NEGR1: variants seen among roughly 807,000 people sequenced by gnomAD.
NEGR1 encodes neuronal growth regulator 1, also known as IgLON family member 4.
Under a neutral mutation model 40.9 loss-of-function variants are expected in NEGR1, and 10 were observed. The ratio of observed to expected loss-of-function variants is 0.24; its 90% CI spans 0.15 to 0.42. The LOEUF is 0.42. Among genes scored for constraint, NEGR1 ranks in the 10% least tolerant of loss-of-function variants. The probability of loss-of-function intolerance (pLI) is 1.00; values close to 1 mark genes in which losing one functional copy is unlikely to be tolerated. For missense variants in NEGR1, 352 were observed against 438.9 expected (o/e 0.80, Z 1.77); for synonymous variants, 185 against 166.8 (o/e 1.11, Z -0.84).
chr1:71,746,475 A>G (rs1243731736), intron 3 of NEGR1, among the ~76,000 whole-genome samples: 1 of 152,094 alleles, frequency 6.6e-6, no homozygotes, highest in African/African-American at 2.4e-5. Context: ...ATCCTTAAAA[A>G]TCACATTTTT....
chr1:71,738,493 G>C, intron 3 of NEGR1: 1 of 154,944 alleles, frequency 6.5e-6, no homozygotes, highest in African/African-American at 2.4e-5. Context: ...AGGGCATCTG[G>C]GGCCAGAGCA....
intron 2 of NEGR1, among the ~76,000 whole-genome samples, chr1:71,933,009 G>A (rs898103741): frequency 1.3e-5 from 2 of 151,980 alleles, no homozygotes; most frequent in African/African-American, 4.8e-5. Flanking sequence ...AAGTAATTAT[G>A]TTCATAAATA....
At chr1:71,886,884 T>C (rs1660738711) in intron 2 of NEGR1, among the ~76,000 whole-genome samples, 1 of 152,146 alleles carries the variant, frequency 6.6e-6, no homozygotes, top group Non-Finnish European at 1.5e-5. Flanking sequence ...TGACTAGTGC[T>C]AAGAACAAGA....
intron 6 of NEGR1, among the ~76,000 whole-genome samples, chr1:71,552,793 C>G (rs1445625712): frequency 6.6e-6 from 1 of 151,338 alleles, no homozygotes; most frequent in East Asian, 2.0e-4. Flanking sequence ...CTGCCCAACT[C>G]TGTTTTTTCT....
chr1:72,097,428 G>A (rs1460015798), intron 1 of NEGR1, among the ~76,000 whole-genome samples: 2 of 152,038 alleles, frequency 1.3e-5, no homozygotes, highest in African/African-American at 4.8e-5. Flanking sequence ...GGCTTTCCAC[G>A]TCCTGCCTCA....
chr1:71,452,256 G>C (rs1035788627), intron 6 of NEGR1, among the ~76,000 whole-genome samples: 8 of 152,096 alleles, frequency 5.3e-5, no homozygotes, highest in African/African-American at 1.9e-4. Context: ...AGATGCAAAG[G>C]TCATCCTCAA....
intron 1 of NEGR1, among the ~76,000 whole-genome samples, chr1:72,181,480 C>A (rs1652368607): frequency 6.6e-6 from 1 of 151,930 alleles, no homozygotes. Flanking sequence ...ACTGGTATAG[C>A]CATTATGAAA....
intron 6 of NEGR1, among the ~76,000 whole-genome samples, chr1:71,418,157 C>G (rs1374090789): frequency 1.3e-5 from 2 of 149,754 alleles, no homozygotes; most frequent in African/African-American, 4.9e-5. Flanking sequence ...AGACCTTTCT[C>G]CTAGCAAACT....
chr1:72,127,463 C>CA (rs56301492), intron 1 of NEGR1, among the ~76,000 whole-genome samples: 3,321 of 39,148 alleles, frequency 0.085, 810 homozygotes, highest in African/African-American at 0.22. Context: ...GGCTCTGTCT[C>CA]AAAAAAAAAA....
intron 4 of NEGR1, among the ~76,000 whole-genome samples, chr1:71,654,851 T>A (rs987947334): frequency 2.6e-5 from 4 of 152,192 alleles, no homozygotes; most frequent in South Asian, 2.1e-4. Flanking sequence ...AATATACAGC[T>A]TTAATCATGG....
At chr1:72,020,732 T>G (rs1198544429) in intron 1 of NEGR1, among the ~76,000 whole-genome samples, 1 of 152,168 alleles carries the variant, frequency 6.6e-6, no homozygotes, top group South Asian at 2.1e-4. Context: ...GCACTAGATA[T>G]TCATATAAGA....
At chr1:71,502,805 C>T (rs1035790429) in intron 6 of NEGR1, among the ~76,000 whole-genome samples, 2 of 152,106 alleles carry the variant, frequency 1.3e-5, no homozygotes, top group Non-Finnish European at 2.9e-5. Context: ...GTTCATAGGT[C>T]GAGTGTGTGC....
intron 1 of NEGR1, among the ~76,000 whole-genome samples, chr1:72,012,706 C>T (rs1475623124): frequency 4.0e-5 from 6 of 151,612 alleles, no homozygotes; most frequent in Non-Finnish European, 7.4e-5. Flanking sequence ...AAAGACTGTG[C>T]GTCCCCAATC....
At chr1:71,954,057 G>T (rs1255611517) in intron 1 of NEGR1, among the ~76,000 whole-genome samples, 1 of 151,928 alleles carries the variant, frequency 6.6e-6, no homozygotes, top group Non-Finnish European at 1.5e-5. Flanking sequence ...CACTGCATTA[G>T]AATTTGTAAA....
intron 1 of NEGR1, among the ~76,000 whole-genome samples, chr1:71,964,761 C>A (rs75714221): frequency 5.2e-4 from 79 of 152,086 alleles, no homozygotes; most frequent in African/African-American, 1.8e-3. Flanking sequence ...CACTGGAACA[C>A]TATTTTATAC....
chr1:71,520,954 A>G (rs1258773703), intron 6 of NEGR1, among the ~76,000 whole-genome samples: 1 of 152,066 alleles, frequency 6.6e-6, no homozygotes, highest in East Asian at 1.9e-4. Flanking sequence ...AGATTAACCC[A>G]CTGAAAATTT....
chr1:72,240,563 A>G (rs1654699024), intron 1 of NEGR1, among the ~76,000 whole-genome samples: 1 of 151,876 alleles, frequency 6.6e-6, no homozygotes. Context: ...GACCCTAAAG[A>G]CAAAGCACAA....
chr1:71,921,367 G>A (rs1194705066), intron 2 of NEGR1, among the ~76,000 whole-genome samples: 1 of 151,926 alleles, frequency 6.6e-6, no homozygotes, highest in Non-Finnish European at 1.5e-5. Flanking sequence ...AAGTACATTT[G>A]ACCTTTGAAC....
intron 6 of NEGR1, among the ~76,000 whole-genome samples, chr1:71,551,477 A>G (rs1648074551): frequency 6.6e-6 from 1 of 151,680 alleles, no homozygotes; most frequent in South Asian, 2.1e-4. Flanking sequence ...ATATATAAAA[A>G]CAAAGACTGC....
Sources: allele counts gnomAD v4.1 joint callset (sites outside exome capture counted in the v4.1 genomes callset), GRCh38; gene constraint gnomAD v4.1.1; transcripts MANE v1.5; gene names NCBI Gene and HGNC (gene_info 2026-07-23, HGNC 2026-07-21).